The following KIF25 variants were observed in gnomAD, a reference collection of about 807,000 sequenced individuals.
The protein encoded by KIF25 is kinesin-like protein KIF25.
Under a neutral mutation model 32.9 loss-of-function variants are expected in KIF25, and 19 were observed. That is an observed-to-expected ratio of 0.58 (90% CI 0.40 to 0.85). KIF25 has a LOEUF of 0.85. KIF25 is among the 40% of genes least tolerant of loss of function. KIF25 has a pLI of 0.00. For synonymous variants in KIF25, 225 were observed against 213.7 expected, an observed-to-expected ratio of 1.05 and a Z score of -0.46; for missense variants, 485 against 507.0, an observed-to-expected ratio of 0.96 and a Z score of 0.42.
rs190064620 is a variant in KIF25, at chr6:168,005,911, C to T, written c.-163+2208C>T. Among the ~76,000 whole-genome samples, 196 of 152,260 alleles carry T rather than the reference C, an allele frequency of 1.3e-3. 1 individual carries two copies. The highest frequency in any genetic ancestry group is 3.4e-3 in the Middle Eastern group (1 of 292). On this transcript the variant is annotated intron_variant, in intron 4 of 12. Transcript: ENST00000643607. ...GATCAATACTTTGTATCCTTTAATC[C>T]GCTGATCAAGTTGACGCTCGGTATT... is the stretch of plus-strand genomic sequence containing the variant.
At position 168,033,812 on chromosome 6, in the gene KIF25, G is replaced by A. The variant is rs540108623; in HGVS notation, c.168-70G>A. The A allele has an allele frequency of 2.0e-6, 3 of 1,537,482 alleles. No homozygotes were observed. The Admixed American group carries it at 5.5e-5, about 28-fold the overall frequency. On this transcript the variant is annotated intron_variant, in intron 7 of 12. Transcript: ENST00000643607. Reference sequence around the variant, plus strand: ...ATGTATTGAAGTTTCTCATACAAGTGAAAATTTTTCCTGGAATCTTCTTGG... The same window carrying A: ...ATGTATTGAAGTTTCTCATACAAGTAAAAATTTTTCCTGGAATCTTCTTGG...
chr6:168,043,083 A>G lies in KIF25; in HGVS notation c.985+367A>G, dbSNP rs191312085. On this transcript the variant is annotated intron_variant, in intron 12 of 12. Transcript: ENST00000643607. Reference sequence around the variant, plus strand: ...GCTGTGTAGACCTGCTTAGGCCCCAAGTTCCTTGGGTCTTTTGGGGGCAGG... The same window carrying G: ...GCTGTGTAGACCTGCTTAGGCCCCAGGTTCCTTGGGTCTTTTGGGGGCAGG... 9.9e-4 allele frequency among the ~76,000 whole-genome samples: 150 copies of G among 152,166 alleles called. 3 individuals are homozygous for G. The East Asian group carries it at 0.022, about 23-fold the overall frequency.
At chr6:168,014,525 C>T (rs1196255462) in intron 4 of KIF25, among the ~76,000 whole-genome samples, 1 of 152,228 alleles carries the variant, frequency 6.6e-6, no homozygotes, top group Non-Finnish European at 1.5e-5. Context: ...TGAAGGGCTT[C>T]ATGCCATCAA....
chr6:168,044,327 C>T (rs1390280752), intron 12 of KIF25, among the ~76,000 whole-genome samples: 4 of 129,148 alleles, frequency 3.1e-5, no homozygotes, highest in African/African-American at 9.3e-5. Flanking sequence ...CTGACCCTCC[C>T]GGAGGGTGAG....
At chr6:168,020,377 G>T (rs1039383526) in intron 5 of KIF25, among the ~76,000 whole-genome samples, 1 of 152,070 alleles carries the variant, frequency 6.6e-6, no homozygotes, top group Non-Finnish European at 1.5e-5. Context: ...GGAAAGCTGA[G>T]AGAATTAATC....
intron 5 of KIF25, among the ~76,000 whole-genome samples, chr6:168,026,802 GAGA>G (rs954829017): frequency 8.5e-5 from 13 of 152,218 alleles, no homozygotes; most frequent in Admixed American, 7.8e-4. Context: ...TCATTGTTTT[GAGA>G]AGAATTCATT....
chr6:168,030,665 G>T (rs1798928458), intron 6 of KIF25, 108 bp from the exon 7 acceptor site: 2 of 715,490 alleles, frequency 2.8e-6, no homozygotes, highest in Non-Finnish European at 4.8e-6. Flanking sequence ...GATGGCGTTG[G>T]GGGGATGGGA....
intron 12 of KIF25, among the ~76,000 whole-genome samples, chr6:168,044,495 C>T (rs556195338): frequency 9.8e-4 from 145 of 147,618 alleles, no homozygotes; most frequent in African/African-American, 3.3e-3. Context: ...GCTGACCCTC[C>T]CGGACCCAGG....
intron 8 of KIF25, among the ~76,000 whole-genome samples, chr6:168,035,407 G>C (rs1345224728): frequency 2.7e-5 from 2 of 73,808 alleles, no homozygotes; most frequent in East Asian, 7.5e-4. Context: ...ATCCAGGGCG[G>C]CAAAGGGATG....
At chr6:168,041,084 G>A (rs767390666) in intron 10 of KIF25, among the ~76,000 whole-genome samples, 24 of 152,322 alleles carry the variant, frequency 1.6e-4, no homozygotes, top group Non-Finnish European at 2.5e-4. Flanking sequence ...GGAGAGCCAC[G>A]GGTCTGGGGC....
chr6:168,036,607 A>T (rs944956193), intron 8 of KIF25, among the ~76,000 whole-genome samples: 1 of 152,234 alleles, frequency 6.6e-6, no homozygotes, highest in Non-Finnish European at 1.5e-5. Context: ...AAATCTCTCA[A>T]ATTAACTCCT....
intron 8 of KIF25, among the ~76,000 whole-genome samples, chr6:168,036,754 G>A (rs888138197): frequency 2.0e-5 from 3 of 152,182 alleles, no homozygotes; most frequent in African/African-American, 7.2e-5. Context: ...GTGTGGAGAG[G>A]AGGAGAATGT....
chr6:168,033,361 G>T lies in KIF25; in HGVS notation c.168-521G>T, dbSNP rs140269687. On this transcript the variant is annotated intron_variant, in intron 7 of 12. Transcript: ENST00000643607. ...CTAAAAATACAAAAATTAGCTGGGC[G>T]TGCTGATGCATGCCTGTGATCCTAG... Among the ~76,000 whole-genome samples, 3 of 152,234 alleles carry T rather than the reference G, an allele frequency of 2.0e-5. No individual in the cohort carries two copies. The East Asian group carries it at 5.8e-4, about 29-fold the overall frequency.
Position 168,028,425 on chromosome 6 carries a change from T to C in KIF25, c.-94-1067T>C, listed in dbSNP as rs148886555. Among the ~76,000 whole-genome samples, 5 of 152,270 alleles carry C rather than the reference T, an allele frequency of 3.3e-5. 1 individual carries two copies. The highest frequency in any genetic ancestry group is 2.0e-4 in the Admixed American group (3 of 15,300). ...CTTTATCTGACAGCCCGTTGCCACA[T>C]GGAGTTGTATCTGTCTTCCTTCGGC... On this transcript the variant is annotated intron_variant, in intron 5 of 12. Coordinates refer to ENST00000643607, the MANE Select transcript of KIF25 (RefSeq NM_030615.4).
intron 4 of KIF25, among the ~76,000 whole-genome samples, chr6:168,016,635 A>C (rs1336192535): frequency 1.3e-5 from 2 of 152,246 alleles, no homozygotes; most frequent in Non-Finnish European, 2.9e-5. Context: ...ATTCTGCGTC[A>C]CCCACTCCCT....
At chr6:168,010,510 A>G (rs2516815) in intron 4 of KIF25, among the ~76,000 whole-genome samples, 51,819 of 151,632 alleles carry the variant, frequency 0.34, 9,024 homozygotes, top group African/African-American at 0.4. Flanking sequence ...GTTTTGATTG[A>G]AAAAAATTGT....
rs184796240 is a variant in KIF25 at position 168,041,038 on chromosome 6, C to T, written c.646+822C>T. On this transcript the variant is annotated intron_variant, in intron 10 of 12. Transcript: ENST00000643607. ...GGGCTGGGACTGGACCCAGAGTGTGCGTTTCTGCAAGGATGCGGCTCCGGG... is the reference window on the plus strand; with the variant it reads ...GGGCTGGGACTGGACCCAGAGTGTGTGTTTCTGCAAGGATGCGGCTCCGGG... Among the ~76,000 whole-genome samples, 15 of 152,248 alleles carry T rather than the reference C, an allele frequency of 9.9e-5. No homozygotes were observed. In the East Asian group the frequency reaches 1.5e-3, roughly 16 times the overall value.
In KIF25 at chr6:168,038,659, G is replaced by A. The variant is rs1029467968; in HGVS notation, c.424G>A (p.Val142Met). 2.5e-6 allele frequency: 4 copies of A among 1,614,110 alleles called. No homozygotes were observed. Among genetic ancestry groups the A allele is most frequent in the Non-Finnish European group, 1.7e-6 (2 of 1,180,052 alleles). ...TCTGGCCAAAGACAGCATTGCAGCA[G>A]TGTCGGGGGTCAAGCGTGAGGTGGT... is the stretch of plus-strand genomic sequence containing the variant. ...DLLAKDSIAA[V>M]SGVKREVVTA... The change falls in exon 9 of 13, where the codon GTG becomes ATG. Residue 142 changes from valine to methionine, a missense_variant. Coordinates refer to ENST00000643607, the MANE Select transcript of KIF25 (RefSeq NM_030615.4).
At chr6:168,032,435 CAT>C (rs1189829262) in intron 7 of KIF25, among the ~76,000 whole-genome samples, 1 of 152,248 alleles carries the variant, frequency 6.6e-6, no homozygotes, top group African/African-American at 2.4e-5. Context: ...CTGGAAGAGA[CAT>C]AGCCTATAGT....
Sources: gnomAD v4.1 joint callset for allele counts (sites outside exome capture counted in the v4.1 genomes callset) on GRCh38, gnomAD v4.1.1 for gene constraint, MANE v1.5 for transcripts, NCBI Gene and HGNC (gene_info 2026-07-23, HGNC 2026-07-21) for gene names.